Variants in DNMT3B observed in about 807,000 individuals in gnomAD.
DNMT3B encodes the protein DNA methyltransferase 3 beta.
A neutral mutation model predicts 120.2 loss-of-function variants in DNMT3B; 37 were observed. The observed-to-expected ratio is 0.31, with a 90% CI of 0.24 to 0.40. The LOEUF (loss-of-function observed/expected upper bound fraction) is 0.40. Ranked by LOEUF, DNMT3B falls within the 10% of genes least tolerant of loss-of-function variation. The probability of loss-of-function intolerance (pLI) is 1.00; values close to 1 mark genes in which losing one functional copy is unlikely to be tolerated. For missense variants in DNMT3B, 878 were observed against 1,137.3 expected, an observed-to-expected ratio of 0.77 and a Z score of 3.28; for synonymous variants, 412 against 442.8, an observed-to-expected ratio of 0.93 and a Z score of 0.87.
At chr20:32,772,874 A>ATT (rs397960769) in intron 1 of DNMT3B, among the ~76,000 whole-genome samples, 21,129 of 129,308 alleles carry the variant, frequency 0.16, 2,469 homozygotes, top group African/African-American at 0.3. Context: ...GTTTGGACAC[A>ATT]TTTTTTTTTT....
intron 13 of DNMT3B, 71 bp downstream of exon 13, chr20:32,796,940 G>A (rs1279109650): frequency 6.2e-7 from 1 of 1,614,018 alleles, no homozygotes; most frequent in East Asian, 2.2e-5. Flanking sequence ...CTTCCCAACA[G>A]CACCTGTGTG....
intron 1 of DNMT3B, among the ~76,000 whole-genome samples, chr20:32,762,919 G>C (rs1266014943): frequency 6.6e-6 from 1 of 152,030 alleles, no homozygotes; most frequent in Non-Finnish European, 1.5e-5. Flanking sequence ...GGTGGGACGC[G>C]GGGGACATAC....
rs572148930 is a variant in DNMT3B, at chr20:32,763,909, G to A, written c.-7+1210G>A. ...GCCTCCTGAGTTCTGGATGCGGTGGGTTGTGGCAGACGGGTGGCAGTTTTT... is the reference window on the plus strand; with the variant it reads ...GCCTCCTGAGTTCTGGATGCGGTGGATTGTGGCAGACGGGTGGCAGTTTTT... On this transcript the variant is annotated intron_variant, in intron 1 of 22. Coordinates refer to ENST00000328111, the MANE Select transcript of DNMT3B (RefSeq NM_006892.4). 6.6e-5 allele frequency among the ~76,000 whole-genome samples: 10 copies of A among 152,326 alleles called. No individual in the cohort carries two copies. The South Asian group carries it at 2.1e-3, about 32-fold the overall frequency.
At position 32,786,652 on chromosome 20, in the gene DNMT3B, C is replaced by G; in HGVS notation, c.432+25C>G. 3.1e-6 allele frequency: 5 copies of G among 1,613,444 alleles called. No homozygotes were observed. In the South Asian group the frequency reaches 5.5e-5, roughly 18 times the overall value. ...GGTTGGTTCCCCAGATGCCCAGACC[C>G]CTGCCCGCAGTCTCTAACTGGGAGA... On this transcript the variant is annotated intron_variant, in intron 5 of 22. Transcript: ENST00000328111.
intron 1 of DNMT3B, among the ~76,000 whole-genome samples, chr20:32,779,422 A>ATACAGG (rs1473467317): frequency 6.6e-6 from 1 of 152,138 alleles, no homozygotes; most frequent in Non-Finnish European, 1.5e-5. Context: ...CTAGGGGGAG[A>ATACAGG]TACAGGTTGT....
chr20:32,769,787 G>A (rs1987608581), intron 1 of DNMT3B, among the ~76,000 whole-genome samples: 1 of 151,918 alleles, frequency 6.6e-6, no homozygotes, highest in Non-Finnish European at 1.5e-5. Flanking sequence ...TCACTCTGTT[G>A]CCCAGGCTGG....
intron 4 of DNMT3B, among the ~76,000 whole-genome samples, 155 bp from the exon 5 acceptor site, chr20:32,786,347 G>T (rs926613244): frequency 6.6e-6 from 1 of 152,220 alleles, no homozygotes; most frequent in East Asian, 1.9e-4. Flanking sequence ...GCTGGACTCA[G>T]TCCAGAGTCC....
chr20:32,779,996 AT>A lies in DNMT3B; in HGVS notation c.-6-321del, dbSNP rs1978380619. On this transcript the variant is annotated intron_variant, in intron 1 of 22. Coordinates refer to ENST00000328111, the MANE Select transcript of DNMT3B (RefSeq NM_006892.4). ...ACGGGCCGGGACAGGCAGGTCCTAA[AT>A]GGCATTGTTTGAAGGGGCCGGCTAA... 3.7e-6 allele frequency: 5 copies of A among 1,356,544 alleles called. No homozygotes were observed. The African/African-American group carries it at 5.8e-5, about 16-fold the overall frequency. The allele number at this position is 1,356,544 out of a possible 1,614,324, so 84.0% of individuals were successfully genotyped here.
At chr20:32,781,520 AG>A (rs1978627151) in intron 3 of DNMT3B, 106 bp downstream of exon 3, 1 of 1,189,732 alleles carries the variant, frequency 8.4e-7, no homozygotes, top group Non-Finnish European at 1.3e-6. Context: ...AAATGTATGG[AG>A]GGTTGCCGAG....
chr20:32,773,612 CTTT>C (rs11356349), intron 1 of DNMT3B, among the ~76,000 whole-genome samples: 326 of 138,770 alleles, frequency 2.3e-3, no homozygotes, highest in Middle Eastern at 7.3e-3. Context: ...AAATATTGGG[CTTT>C]TTTTTTTTTT....
At chr20:32,776,058 G>A (rs1369330603) in intron 1 of DNMT3B, among the ~76,000 whole-genome samples, 1 of 152,086 alleles carries the variant, frequency 6.6e-6, no homozygotes, top group African/African-American at 2.4e-5. Context: ...GTGAAACCAC[G>A]TCTCTTCTAA....
rs777194501 is a variant in DNMT3B at position 32,796,876 on chromosome 20, C to T, written c.1377+7C>T. Reference sequence around the variant, plus strand: ...GCTCTGTCAGACATGCCGGGTAAGTCCTCCTACTACTGCCCTGGACCTTCC... The same window carrying T: ...GCTCTGTCAGACATGCCGGGTAAGTTCTCCTACTACTGCCCTGGACCTTCC... On this transcript the variant is annotated splice_region_variant and intron_variant, in intron 13 of 22. Transcript: ENST00000328111. 21 of 1,613,968 alleles carry T rather than the reference C, an allele frequency of 1.3e-5. 1 individual carries two copies. In the Admixed American group the frequency reaches 3.2e-4, roughly 24 times the overall value.
chr20:32,790,795 C>T (rs2145971923), intron 7 of DNMT3B, among the ~76,000 whole-genome samples: 1 of 152,300 alleles, frequency 6.6e-6, no homozygotes, highest in Non-Finnish European at 1.5e-5. Flanking sequence ...CTTAACAGAG[C>T]AGCTGAGACT....
At chr20:32,767,774 A>G (rs1367027181) in intron 1 of DNMT3B, among the ~76,000 whole-genome samples, 5 of 152,192 alleles carry the variant, frequency 3.3e-5, no homozygotes, top group Non-Finnish European at 7.4e-5. Flanking sequence ...GCATGTCTGA[A>G]GAAGAGTGGT....
At chr20:32,801,223 G>A in intron 18 of DNMT3B, 55 bp from the exon 19 acceptor site, 2 of 1,613,324 alleles carry the variant, frequency 1.2e-6, no homozygotes, top group Non-Finnish European at 1.7e-6. Flanking sequence ...GGAATAAGGT[G>A]GGTTGGGCTG....
intron 1 of DNMT3B, among the ~76,000 whole-genome samples, chr20:32,764,930 G>A (rs1361705035): frequency 1.3e-5 from 2 of 152,160 alleles, no homozygotes; most frequent in African/African-American, 2.4e-5. Flanking sequence ...ATCCAGAGGC[G>A]CCTGTCGCCC....
chr20:32,807,426 GGAAATTGCTTAA>G (rs1982090083), intron 22 of DNMT3B, among the ~76,000 whole-genome samples: 1 of 152,098 alleles, frequency 6.6e-6, no homozygotes, highest in African/African-American at 2.4e-5. Flanking sequence ...TCCTTATTAA[GGAAATTGCTTAA>G]CTTCTCCCAT....
intron 20 of DNMT3B, among the ~76,000 whole-genome samples, chr20:32,802,995 G>A (rs898136000): frequency 1.3e-5 from 2 of 152,184 alleles, no homozygotes; most frequent in African/African-American, 4.8e-5. Flanking sequence ...GAAGTAGATT[G>A]TTGTTACCGG....
intron 1 of DNMT3B, among the ~76,000 whole-genome samples, chr20:32,767,936 C>T (rs1430987264): frequency 6.6e-6 from 1 of 152,212 alleles, no homozygotes; most frequent in Non-Finnish European, 1.5e-5. Flanking sequence ...AGAGCTGGGG[C>T]TGGAACCCAG....
Sources: gnomAD v4.1 joint callset for allele counts (sites outside exome capture counted in the v4.1 genomes callset) on GRCh38, gnomAD v4.1.1 for gene constraint, MANE v1.5 for transcripts, NCBI Gene and HGNC (gene_info 2026-07-23, HGNC 2026-07-21) for gene names.